CSMD2: variants seen among roughly 807,000 people sequenced by gnomAD.
The protein encoded by CSMD2 is CUB and sushi domain-containing protein 2.
In CSMD2, 130 loss-of-function variants were observed where a neutral mutation model predicts 398.5. That is an observed-to-expected ratio of 0.33 (90% CI 0.28 to 0.38). CSMD2 has a LOEUF of 0.38. CSMD2 is among the 10% of genes least tolerant of loss of function. The probability of loss-of-function intolerance (pLI) is 1.00; values close to 1 mark genes in which losing one functional copy is unlikely to be tolerated. For synonymous variants in CSMD2, 1,828 were observed against 1,908.5 expected (o/e 0.96, Z 1.10); for missense variants, 3,829 against 4,764.9 (o/e 0.80, Z 5.78).
At chr1:33,613,170 C>T (rs984008152) in intron 40 of CSMD2, among the ~76,000 whole-genome samples, 2 of 152,154 alleles carry the variant, frequency 1.3e-5, no homozygotes, top group African/African-American at 4.8e-5. Flanking sequence ...CAAGGGATCC[C>T]GGGCCTTTGC....
chr1:34,154,255 G>A (rs1347419530), intron 1 of CSMD2, among the ~76,000 whole-genome samples: 1 of 152,188 alleles, frequency 6.6e-6, no homozygotes, highest in Non-Finnish European at 1.5e-5. Flanking sequence ...TCATGAGGAC[G>A]TGGGAAGACA....
chr1:33,872,156 A>T (rs1570350584), intron 5 of CSMD2, among the ~76,000 whole-genome samples: 1 of 152,258 alleles, frequency 6.6e-6, no homozygotes, highest in East Asian at 1.9e-4. Flanking sequence ...TATTGTCTGC[A>T]GTTACATGGA....
At chr1:34,004,494 G>A (rs1419094751) in intron 3 of CSMD2, among the ~76,000 whole-genome samples, 3 of 151,986 alleles carry the variant, frequency 2.0e-5, no homozygotes, top group South Asian at 2.1e-4. Context: ...TTTTGCCAGC[G>A]CCATTCTTTG....
At chr1:34,075,153 G>A (rs1235237503) in intron 2 of CSMD2, among the ~76,000 whole-genome samples, 5 of 152,228 alleles carry the variant, frequency 3.3e-5, no homozygotes, top group African/African-American at 4.8e-5. Flanking sequence ...CATGGTGGCT[G>A]GAACATAATA....
chr1:33,741,787 G>GCCT (rs768209921), intron 14 of CSMD2, among the ~76,000 whole-genome samples: 76 of 152,290 alleles, frequency 5.0e-4, no homozygotes, highest in Middle Eastern at 3.4e-3. Context: ...GCCATCAGCT[G>GCCT]CCTCCTCCTC....
chr1:33,651,980 AGGGGCCGG>A (rs1177229039), intron 28 of CSMD2, among the ~76,000 whole-genome samples: 4 of 152,014 alleles, frequency 2.6e-5, no homozygotes, highest in Non-Finnish European at 4.4e-5. Context: ...GTGGGGTGGA[AGGGGCCGG>A]GGAAGCAGAC....
intron 2 of CSMD2, among the ~76,000 whole-genome samples, chr1:34,083,266 G>T (rs993621210): frequency 5.3e-4 from 80 of 152,268 alleles, no homozygotes; most frequent in African/African-American, 1.7e-3. Flanking sequence ...GAACCAGAGA[G>T]GCTGAGATGT....
intron 28 of CSMD2, among the ~76,000 whole-genome samples, chr1:33,647,904 T>C (rs1643540933): frequency 6.6e-6 from 1 of 152,246 alleles, no homozygotes; most frequent in Admixed American, 6.5e-5. Flanking sequence ...ATCTTGTTTG[T>C]GTCCTAATTG....
At chr1:34,024,692 A>T (rs948527374) in intron 3 of CSMD2, among the ~76,000 whole-genome samples, 12 of 152,170 alleles carry the variant, frequency 7.9e-5, no homozygotes, top group Non-Finnish European at 1.3e-4. Context: ...GAGCGGAGGA[A>T]ATGGACATCT....
intron 37 of CSMD2, among the ~76,000 whole-genome samples, chr1:33,620,952 T>A (rs1428270990): frequency 6.6e-6 from 1 of 152,102 alleles, no homozygotes; most frequent in Non-Finnish European, 1.5e-5. Context: ...CATAACACAG[T>A]TCTGACCCAA....
At chr1:34,043,278 C>A (rs1254838699) in intron 2 of CSMD2, among the ~76,000 whole-genome samples, 2 of 152,252 alleles carry the variant, frequency 1.3e-5, no homozygotes, top group East Asian at 3.9e-4. Flanking sequence ...GATGCTGTCC[C>A]TAGGACTCTG....
At chr1:33,895,081 T>G (rs114255463) in intron 5 of CSMD2, among the ~76,000 whole-genome samples, 14 of 152,356 alleles carry the variant, frequency 9.2e-5, no homozygotes, top group Non-Finnish European at 1.9e-4. Context: ...TGAATATCAA[T>G]AATCGCTACA....
chr1:34,039,746 T>TA (rs1451197162), intron 2 of CSMD2, among the ~76,000 whole-genome samples: 1 of 152,168 alleles, frequency 6.6e-6, no homozygotes, highest in Non-Finnish European at 1.5e-5. Flanking sequence ...TAGGATTGCC[T>TA]AGTTTGAATA....
chr1:33,854,887 C>G (rs569337190), intron 5 of CSMD2, among the ~76,000 whole-genome samples: 1 of 152,114 alleles, frequency 6.6e-6, no homozygotes. Flanking sequence ...CTCACCAACA[C>G]GCTGGGTCTT....
At position 33,635,328 on chromosome 1, in the gene CSMD2, G is replaced by A. The variant is rs117923142; in HGVS notation, c.4972C>T (p.Pro1658Ser). 5.0e-6 allele frequency: 8 copies of A among 1,596,684 alleles called. No individual in the cohort carries two copies. Among genetic ancestry groups the A allele is most frequent in the East Asian group, 2.2e-5 (1 of 44,730 alleles). Residue 1658 changes from proline to serine, a missense_variant and splice_region_variant, in exon 31 of 71, where the codon CCC becomes TCC. Physicochemically the swap from Pro to Ser is moderately conservative, Grantham distance 74. Transcript: ENST00000373381. The surrounding 1 kb of genome is among the most constrained non-coding windows in gnomAD (Gnocchi z 5.0). ...GAACCCACATACTGTCCCCCACAGG[G>A]GGCTGAAAGAGAAACCAGATAGAGA... ...WNNPRPVCTA[P>S]CGGQYVGSDG... is the part of the protein sequence containing the mutation.
At chr1:33,668,013 G>A (rs1157176167) in intron 25 of CSMD2, among the ~76,000 whole-genome samples, 1 of 152,212 alleles carries the variant, frequency 6.6e-6, no homozygotes, top group South Asian at 2.1e-4. Flanking sequence ...AGAGTGCTGA[G>A]GCAGAGCATC....
At chr1:33,666,152 C>A (rs1170255918) in intron 25 of CSMD2, among the ~76,000 whole-genome samples, 1 of 152,146 alleles carries the variant, frequency 6.6e-6, no homozygotes, top group East Asian at 1.9e-4. Context: ...TAGCTACTCA[C>A]CTTACTTGGG....
At chr1:34,005,075 A>G (rs551811868) in intron 3 of CSMD2, among the ~76,000 whole-genome samples, 19 of 152,214 alleles carry the variant, frequency 1.2e-4, no homozygotes, top group Non-Finnish European at 2.5e-4. Context: ...TGGGAAACCC[A>G]TGAACAGAGT....
intron 15 of CSMD2, among the ~76,000 whole-genome samples, chr1:33,729,789 G>A (rs1359874340): frequency 6.6e-6 from 1 of 152,140 alleles, no homozygotes; most frequent in Non-Finnish European, 1.5e-5. Flanking sequence ...CCATCAGATA[G>A]GCAAAATCCA....
Sources: allele counts gnomAD v4.1 joint callset (sites outside exome capture counted in the v4.1 genomes callset), GRCh38; gene constraint gnomAD v4.1.1; non-coding constraint Gnocchi (gnomAD v3.1); transcripts MANE v1.5; gene names NCBI Gene and HGNC (gene_info 2026-07-23, HGNC 2026-07-21).